METTL15: variants seen among roughly 807,000 people sequenced by gnomAD.
METTL15 encodes 12S rRNA N(4)-cytidine methyltransferase METTL15.
METTL15 carries 34 observed loss-of-function variants against 38.3 expected under a neutral mutation model. The ratio of observed to expected loss-of-function variants is 0.89; its 90% CI spans 0.68 to 1.18. The LOEUF (loss-of-function observed/expected upper bound fraction) is 1.18. Ranked by LOEUF, METTL15 falls within the 50% of genes most tolerant of loss-of-function variation. The probability of loss-of-function intolerance (pLI) is 0.00; values close to 1 mark genes in which losing one functional copy is unlikely to be tolerated. For synonymous variants in METTL15, 162 were observed against 170.9 expected (o/e 0.95, Z 0.41); for missense variants, 438 against 498.4 (o/e 0.88, Z 1.15).
intron 5 of METTL15, among the ~76,000 whole-genome samples, chr11:28,292,864 G>C (rs1022223980): frequency 9.2e-5 from 14 of 152,162 alleles, no homozygotes; most frequent in Admixed American, 9.2e-4. Flanking sequence ...CTTCTTTTGA[G>C]AAGTGTCTGT....
chr11:28,515,224 C>T (rs556682735), intron 6 of METTL15, among the ~76,000 whole-genome samples: 1 of 152,244 alleles, frequency 6.6e-6, no homozygotes, highest in East Asian at 1.9e-4. Flanking sequence ...AATCATGTGG[C>T]TCTGCTTTAA....
intron 5 of METTL15, among the ~76,000 whole-genome samples, chr11:28,292,024 T>TG (rs1856536493): frequency 6.6e-6 from 1 of 151,132 alleles, no homozygotes; most frequent in Non-Finnish European, 1.5e-5. Flanking sequence ...AATCAAAAGA[T>TG]TTTTTTTTAG....
At chr11:28,253,345 T>C (rs1854825751) in intron 4 of METTL15, among the ~76,000 whole-genome samples, 1 of 152,192 alleles carries the variant, frequency 6.6e-6, no homozygotes, top group Non-Finnish European at 1.5e-5. Flanking sequence ...AGTAGGTGTA[T>C]ATATTTATGA....
intron 4 of METTL15, among the ~76,000 whole-genome samples, chr11:28,250,697 C>A (rs147509829): frequency 1.5e-3 from 235 of 152,062 alleles, no homozygotes; most frequent in Admixed American, 4.3e-3. Context: ...ATTCAAAAGC[C>A]AAATCAACCT....
chr11:28,174,630 C>T (rs1257231478), intron 3 of METTL15, among the ~76,000 whole-genome samples: 1 of 151,252 alleles, frequency 6.6e-6, no homozygotes, highest in Non-Finnish European at 1.5e-5. Flanking sequence ...CTGGCGAACA[C>T]GGTGAAACCC....
intron 5 of METTL15, among the ~76,000 whole-genome samples, chr11:28,416,608 A>T (rs185041986): frequency 1.5e-3 from 236 of 152,334 alleles, no homozygotes; most frequent in Middle Eastern, 3.4e-3. Flanking sequence ...ATTCAGAAAT[A>T]ATTCAGCCCA....
chr11:28,213,556 C>T (rs561261412), intron 4 of METTL15, among the ~76,000 whole-genome samples: 7 of 148,960 alleles, frequency 4.7e-5, no homozygotes, highest in South Asian at 2.1e-4. Context: ...ATGTCATTAC[C>T]GTAATAGAAA....
chr11:28,115,588 T>G lies in METTL15; in HGVS notation c.270+1984T>G, dbSNP rs141383014. On this transcript the variant is annotated intron_variant, in intron 3 of 6. Coordinates refer to ENST00000407364, the MANE Select transcript of METTL15 (RefSeq NM_001113528.2). ...CACATATTTCATATGTTATGTGTAT[T>G]ATATACTGTATTCTTACAATAAAGT... Among the ~76,000 whole-genome samples the G allele has an allele frequency of 8.7e-3, 1,323 of 151,870 alleles. 20 individuals are homozygous for G. Among genetic ancestry groups the G allele is most frequent in the African/African-American group, 0.03 (1,246 of 41,426 alleles).
intron 4 of METTL15, among the ~76,000 whole-genome samples, chr11:28,232,832 T>G (rs1853743877): frequency 6.6e-6 from 1 of 151,966 alleles, no homozygotes; most frequent in African/African-American, 2.4e-5. Flanking sequence ...CAACAGCTAC[T>G]CCCATGTTAT....
At chr11:28,382,688 A>C (rs1158020494) in intron 5 of METTL15, among the ~76,000 whole-genome samples, 3 of 152,010 alleles carry the variant, frequency 2.0e-5, no homozygotes, top group Non-Finnish European at 4.4e-5. Flanking sequence ...ACAAAAACTT[A>C]GCCAGGCATG....
At chr11:28,414,145 CA>C (rs1244647668) in intron 5 of METTL15, among the ~76,000 whole-genome samples, 1 of 151,860 alleles carries the variant, frequency 6.6e-6, no homozygotes, top group Non-Finnish European at 1.5e-5. Context: ...CAGCAGCAAC[CA>C]CAGTTGTATG....
At chr11:28,291,191 C>T (rs145447123) in intron 5 of METTL15, among the ~76,000 whole-genome samples, 13 of 151,738 alleles carry the variant, frequency 8.6e-5, no homozygotes, top group East Asian at 5.8e-4. Flanking sequence ...GGATTGCAGA[C>T]GTGTACCAGC....
intron 3 of METTL15, among the ~76,000 whole-genome samples, chr11:28,155,087 G>A (rs929151841): frequency 6.6e-6 from 1 of 152,132 alleles, no homozygotes; most frequent in Admixed American, 6.6e-5. Flanking sequence ...AAGGTAAGGT[G>A]TTCTCTAGAT....
intron 6 of METTL15, among the ~76,000 whole-genome samples, 158 bp downstream of exon 6, chr11:28,297,089 C>T (rs1856767651): frequency 6.6e-6 from 1 of 152,042 alleles, no homozygotes; most frequent in Non-Finnish European, 1.5e-5. Flanking sequence ...TAGAATCTTG[C>T]CTATCCTTCT....
chr11:28,169,190 G>A (rs1195903738), intron 3 of METTL15, among the ~76,000 whole-genome samples: 1 of 152,154 alleles, frequency 6.6e-6, no homozygotes, highest in Non-Finnish European at 1.5e-5. Context: ...ACTATTGTGA[G>A]AGGGGAATAG....
intron 4 of METTL15, 36 bp downstream of exon 4, chr11:28,211,234 T>C: frequency 6.3e-7 from 1 of 1,582,136 alleles, no homozygotes; most frequent in African/African-American, 1.4e-5. Context: ...TTGATTTTGG[T>C]TCTTAGTTTT....
chr11:28,120,553 G>T (rs1302669766), intron 3 of METTL15, among the ~76,000 whole-genome samples: 2 of 151,906 alleles, frequency 1.3e-5, no homozygotes, highest in African/African-American at 4.8e-5. Context: ...AAAAAATCCT[G>T]ATTTTAGTAT....
At chr11:28,433,053 T>C (rs749919473) in intron 6 of METTL15, among the ~76,000 whole-genome samples, 3 of 152,152 alleles carry the variant, frequency 2.0e-5, no homozygotes, top group Non-Finnish European at 2.9e-5. Flanking sequence ...AAATGTCATC[T>C]TGTTAATTTC....
intron 6 of METTL15, among the ~76,000 whole-genome samples, chr11:28,508,149 T>G (rs1851645203): frequency 6.6e-6 from 1 of 152,180 alleles, no homozygotes; most frequent in African/African-American, 2.4e-5. Flanking sequence ...GAGCCCTGCC[T>G]CTACCCTCAT....
Sources: allele counts gnomAD v4.1 joint callset (sites outside exome capture counted in the v4.1 genomes callset), GRCh38; gene constraint gnomAD v4.1.1; transcripts MANE v1.5; gene names NCBI Gene and HGNC (gene_info 2026-07-23, HGNC 2026-07-21).